ULK4: variants seen among roughly 807,000 people sequenced by gnomAD.
ULK4 encodes unc-51 like kinase 4.
In ULK4, 133 loss-of-function variants were observed where a neutral mutation model predicts 160.6. The observed-to-expected ratio is 0.83, with a 90% CI of 0.72 to 0.96. The LOEUF is 0.96. Among genes scored for constraint, ULK4 ranks in the 40% least tolerant of loss-of-function variants. The pLI, the probability that ULK4 is intolerant of heterozygous loss-of-function variation, is 0.00. For synonymous variants in ULK4, 534 were observed against 539.8 expected (o/e 0.99, Z 0.15); for missense variants, 1,580 against 1,499.5 (o/e 1.05, Z -0.89).
chr3:41,451,531 G>A (rs1056210182), intron 34 of ULK4, among the ~76,000 whole-genome samples: 1 of 151,938 alleles, frequency 6.6e-6, no homozygotes, highest in African/African-American at 2.4e-5. Context: ...TTAATCCTCA[G>A]GCTCAGAGAC....
chr3:41,551,379 G>A (rs1352519775), intron 32 of ULK4, among the ~76,000 whole-genome samples: 2 of 148,912 alleles, frequency 1.3e-5, no homozygotes, highest in African/African-American at 4.9e-5. Flanking sequence ...AAAACCACTA[G>A]CAACACTAAA....
chr3:41,582,024 GCTGTGTCCCCA>G (rs1314888652), intron 31 of ULK4, among the ~76,000 whole-genome samples: 6 of 152,164 alleles, frequency 3.9e-5, no homozygotes, highest in African/African-American at 1.4e-4. Flanking sequence ...ATAGGATTTA[GCTGTGTCCCCA>G]CCCAAATCTC....
chr3:41,400,510 AGTTC>A (rs1327512628), intron 34 of ULK4, among the ~76,000 whole-genome samples: 1 of 152,210 alleles, frequency 6.6e-6, no homozygotes, highest in Non-Finnish European at 1.5e-5. Context: ...GTGTATCAAT[AGTTC>A]ATTTCTTTTT....
rs763919609 is a variant in ULK4, at chr3:41,842,872, A to C, written c.1657-6901T>G. ...AAACAGAATTCAGAAATAGCTCCAC[A>C]CAAGAATAGCCAAGAGATTTTTGAC... On this transcript the variant is annotated intron_variant, in intron 17 of 36. Coordinates refer to ENST00000301831, the MANE Select transcript of ULK4 (RefSeq NM_017886.4). Among the ~76,000 whole-genome samples, 68 of 152,344 alleles carry C rather than the reference A, an allele frequency of 4.5e-4. No individual in the cohort carries two copies. The Middle Eastern group carries it at 0.01, about 23-fold the overall frequency.
intron 21 of ULK4, among the ~76,000 whole-genome samples, chr3:41,758,213 C>G (rs1033497823): frequency 9.2e-5 from 14 of 152,258 alleles, no homozygotes; most frequent in African/African-American, 3.1e-4. Context: ...ACTTCCCAGC[C>G]TCCAGAACAG....
chr3:41,535,489 A>G lies in ULK4; in HGVS notation c.3226+30536T>C, dbSNP rs2086467291. Among the ~76,000 whole-genome samples, 6 of 152,228 alleles carry G rather than the reference A, an allele frequency of 3.9e-5. No homozygotes were observed. In the South Asian group the frequency reaches 1.2e-3, roughly 32 times the overall value. ...CATTATTATAGTATCCATATTAGAA[A>G]TAGTACTGTATGTTTGAAATAGGGA... is the stretch of plus-strand genomic sequence containing the variant. On this transcript the variant is annotated intron_variant, in intron 32 of 36. Transcript: ENST00000301831.
rs144958822 is a variant in ULK4 at position 41,797,918 on chromosome 3, G to C, written c.2010+2214C>G. 2.2e-3 allele frequency among the ~76,000 whole-genome samples: 333 copies of C among 148,844 alleles called. 1 individual carries two copies. The highest frequency in any genetic ancestry group is 7.4e-3 in the African/African-American group (296 of 39,824). On this transcript the variant is annotated intron_variant, in intron 20 of 36. Coordinates refer to ENST00000301831, the MANE Select transcript of ULK4 (RefSeq NM_017886.4). ...GAAAACAAAAGAAAACAAAACAAAA[G>C]AAAAGAAAAGAGAAAAGAAAAGAAA...
At chr3:41,278,849 G>C (rs2125692509) in intron 35 of ULK4, among the ~76,000 whole-genome samples, 1 of 152,260 alleles carries the variant, frequency 6.6e-6, no homozygotes, top group East Asian at 1.9e-4. Context: ...AGAAACCAGA[G>C]CAGAAAAACT....
chr3:41,932,038 A>G (rs368557025), intron 4 of ULK4, 32 bp from the exon 5 acceptor site: 8 of 1,598,360 alleles, frequency 5.0e-6, no homozygotes, highest in African/African-American at 2.7e-5. Flanking sequence ...TTTCAGAAAA[A>G]AAATCAACTT....
At chr3:41,696,762 A>C (rs900084806) in intron 27 of ULK4, among the ~76,000 whole-genome samples, 18 of 152,144 alleles carry the variant, frequency 1.2e-4, no homozygotes, top group African/African-American at 4.1e-4. Context: ...GAGAGGAGAG[A>C]GTTATCTTGG....
chr3:41,832,487 GCTGT>G (rs1437836822), intron 18 of ULK4, among the ~76,000 whole-genome samples: 1 of 152,134 alleles, frequency 6.6e-6, no homozygotes, highest in Admixed American at 6.6e-5. Flanking sequence ...CATTCTGTAG[GCTGT>G]CTGTTTACTC....
intron 5 of ULK4, among the ~76,000 whole-genome samples, chr3:41,925,178 C>T (rs1014086137): frequency 6.6e-6 from 1 of 152,156 alleles, no homozygotes; most frequent in African/African-American, 2.4e-5. Context: ...AGGCAGGTGA[C>T]TTACGCATTA....
At chr3:41,517,614 A>T (rs1456772192) in intron 32 of ULK4, among the ~76,000 whole-genome samples, 1 of 152,258 alleles carries the variant, frequency 6.6e-6, no homozygotes. Context: ...CAGCAGGAAC[A>T]GTCTCTAGAA....
intron 32 of ULK4, among the ~76,000 whole-genome samples, chr3:41,497,421 A>T (rs1302558137): frequency 6.6e-6 from 1 of 152,110 alleles, no homozygotes; most frequent in East Asian, 1.9e-4. Context: ...ATATATCTAT[A>T]TACATAATAA....
intron 32 of ULK4, among the ~76,000 whole-genome samples, chr3:41,526,565 T>A (rs1481228614): frequency 6.6e-6 from 1 of 152,246 alleles, no homozygotes; most frequent in African/African-American, 2.4e-5. Context: ...GCTTCCCTAA[T>A]GCCCTTGCAA....
intron 16 of ULK4, 63 bp downstream of exon 16, chr3:41,895,455 T>C: frequency 2.2e-6 from 2 of 907,216 alleles, no homozygotes; most frequent in Admixed American, 3.6e-5. Flanking sequence ...TTGATAAATA[T>C]GTGCTCTGTA....
chr3:41,482,302 G>A (rs2084356482), intron 32 of ULK4, among the ~76,000 whole-genome samples: 1 of 152,204 alleles, frequency 6.6e-6, no homozygotes, highest in African/African-American at 2.4e-5. Flanking sequence ...CTAGGAAGGA[G>A]AAAATGGCAT....
At chr3:41,730,832 C>T (rs968455075) in intron 22 of ULK4, among the ~76,000 whole-genome samples, 7 of 152,088 alleles carry the variant, frequency 4.6e-5, no homozygotes, top group Non-Finnish European at 1.0e-4. Context: ...AAACCATTCA[C>T]CATAATCAAG....
At chr3:41,700,761 C>A (rs554229886) in intron 27 of ULK4, among the ~76,000 whole-genome samples, 1 of 152,288 alleles carries the variant, frequency 6.6e-6, no homozygotes, top group East Asian at 1.9e-4. Context: ...AGATGACTTT[C>A]ATAGTCTTCT....
Sources: gnomAD v4.1 joint callset for allele counts (sites outside exome capture counted in the v4.1 genomes callset) on GRCh38, gnomAD v4.1.1 for gene constraint, MANE v1.5 for transcripts, NCBI Gene and HGNC (gene_info 2026-07-23, HGNC 2026-07-21) for gene names.